Variants in NTAQ1 observed in about 807,000 individuals in gnomAD.
The protein encoded by NTAQ1 is protein N-terminal glutamine amidohydrolase.
A neutral mutation model predicts 28.2 loss-of-function variants in NTAQ1; 21 were observed. That is an observed-to-expected ratio of 0.74 (90% CI 0.53 to 1.07). NTAQ1 has a LOEUF of 1.07. NTAQ1 is among the 50% of genes least tolerant of loss of function. The pLI, the probability that NTAQ1 is intolerant of heterozygous loss-of-function variation, is 0.00. For missense variants in NTAQ1, 264 were observed against 256.6 expected (o/e 1.03, Z -0.20); for synonymous variants, 105 against 90.0 (o/e 1.17, Z -0.94).
intron 5 of NTAQ1, 110 bp from the exon 6 acceptor site, chr8:123,441,196 C>T (rs1039707537): frequency 1.3e-6 from 1 of 763,896 alleles, no homozygotes; most frequent in Non-Finnish European, 2.2e-6. Flanking sequence ...GACATTGAGC[C>T]CTTATCCATT....
At chr8:123,475,641 C>T in the NTAQ1 span, among the ~76,000 whole-genome samples, 2 of 152,152 alleles carry the variant, frequency 1.3e-5, no homozygotes, top group Non-Finnish European at 2.9e-5. Context: ...GTGAATATCT[C>T]TAAGGCATAC....
At chr8:123,419,394 C>T (rs953930859) in intron 1 of NTAQ1, among the ~76,000 whole-genome samples, 6 of 152,032 alleles carry the variant, frequency 3.9e-5, no homozygotes, top group Admixed American at 6.6e-5. Context: ...TCACCGTGCC[C>T]GGCCATCCTG....
At chr8:123,465,004 C>T (rs1370248175) in intron 6 of NTAQ1, among the ~76,000 whole-genome samples, 2 of 152,132 alleles carry the variant, frequency 1.3e-5, no homozygotes, top group Non-Finnish European at 2.9e-5. Flanking sequence ...CACCACTGCA[C>T]TCCTGCCTGG....
chr8:123,440,858 G>C (rs1815022956), intron 5 of NTAQ1, among the ~76,000 whole-genome samples: 2 of 152,256 alleles, frequency 1.3e-5, no homozygotes, highest in South Asian at 4.2e-4. Context: ...TGACCCTTCT[G>C]AGGACGCTAC....
intron 1 of NTAQ1, among the ~76,000 whole-genome samples, chr8:123,427,065 A>G (rs1425027286): frequency 6.6e-6 from 1 of 152,132 alleles, no homozygotes; most frequent in African/African-American, 2.4e-5. Context: ...CGGACATATC[A>G]CATAATTGCT....
At chr8:123,459,020 G>A (rs1815739317) in intron 6 of NTAQ1, among the ~76,000 whole-genome samples, 1 of 152,024 alleles carries the variant, frequency 6.6e-6, no homozygotes, top group African/African-American at 2.4e-5. Context: ...GGAGGTTGCA[G>A]TGAGCCGAGA....
intron 3 of NTAQ1, among the ~76,000 whole-genome samples, chr8:123,431,046 T>C (rs1021769038): frequency 3.3e-5 from 5 of 152,032 alleles, no homozygotes; most frequent in African/African-American, 1.2e-4. Flanking sequence ...CCCTAAAGAA[T>C]GGAGGCTAGG....
chr8:123,436,340 T>C (rs1814708345), intron 3 of NTAQ1, 113 bp from the exon 4 acceptor site: 2 of 945,016 alleles, frequency 2.1e-6, no homozygotes, highest in South Asian at 1.8e-5. Flanking sequence ...TTTGCTATTA[T>C]AAGGAGGGCT....
intron 1 of NTAQ1, among the ~76,000 whole-genome samples, chr8:123,418,644 G>C (rs1235006233): frequency 6.6e-6 from 1 of 152,174 alleles, no homozygotes; most frequent in African/African-American, 2.4e-5. Context: ...TTGGAGGATG[G>C]TTGTTTAAGC....
chr8:123,438,529 G>A (rs568039811), intron 5 of NTAQ1, among the ~76,000 whole-genome samples: 1 of 152,186 alleles, frequency 6.6e-6, no homozygotes, highest in Non-Finnish European at 1.5e-5. Context: ...GGTGGTGTGT[G>A]CCTGAAGTCC....
At chr8:123,451,882 C>T (rs528614626), downstream of NTAQ1, among the ~76,000 whole-genome samples, 72 of 152,296 alleles carry the variant, frequency 4.7e-4, no homozygotes, top group Non-Finnish European at 9.0e-4. Context: ...GAATTATTCC[C>T]GTTGACTAGA....
At chr8:123,453,513 C>T (rs1433883248) in intron 6 of NTAQ1, among the ~76,000 whole-genome samples, 1 of 151,660 alleles carries the variant, frequency 6.6e-6, no homozygotes, top group Non-Finnish European at 1.5e-5. Context: ...ACTGCAACCT[C>T]TGCCTCTCAG....
At chr8:123,461,699 T>G (rs1476637464) in intron 6 of NTAQ1, among the ~76,000 whole-genome samples, 1 of 152,198 alleles carries the variant, frequency 6.6e-6, no homozygotes, top group Non-Finnish European at 1.5e-5. Context: ...CTTTGTATAT[T>G]CAAGAACAGC....
intron 6 of NTAQ1, among the ~76,000 whole-genome samples, chr8:123,455,716 C>T (rs551004148): frequency 6.7e-4 from 102 of 152,250 alleles, no homozygotes; most frequent in African/African-American, 2.2e-3. Context: ...TGAGCCACCG[C>T]GCCCAGCCGA....
At chr8:123,450,416 G>A (rs1367733738), downstream of NTAQ1, among the ~76,000 whole-genome samples, 1 of 149,798 alleles carries the variant, frequency 6.7e-6, no homozygotes, top group African/African-American at 2.4e-5. Context: ...GTTTGGGAAG[G>A]GGGCAGAGAA....
At position 123,438,683 on chromosome 8, in the gene NTAQ1, AAAG is replaced by A. The variant is rs548966414; in HGVS notation, c.508+1352_508+1354del. On this transcript the variant is annotated intron_variant, in intron 5 of 5. Transcript: ENST00000287387. ...GCAAGATTCCATCTCAAAAAAAAAAAAAGAAAAAGAAAAAAATAGTTTAACGGA... is the reference window on the plus strand; with the variant it reads ...GCAAGATTCCATCTCAAAAAAAAAAAAAAAAGAAAAAAATAGTTTAACGGA... 2.0e-3 allele frequency among the ~76,000 whole-genome samples: 301 copies of A among 151,794 alleles called. 2 individuals carry two copies. Among genetic ancestry groups the A allele is most frequent in the African/African-American group, 6.9e-3 (287 of 41,394 alleles).
Position 123,420,590 on chromosome 8 carries a change from C to CT in NTAQ1, c.83+3677dup, listed in dbSNP as rs71310676. The stretch of plus-strand genomic sequence containing the variant: ...CTTGCCAGCGTCTGTTATTTTTTGC[C>CT]TTTTTTTTTTTTTTTTTTTGAGACA... On this transcript the variant is annotated intron_variant, in intron 1 of 5. Coordinates refer to ENST00000287387, the MANE Select transcript of NTAQ1 (RefSeq NM_018024.3). Among the ~76,000 whole-genome samples, 116 of 102,058 alleles carry CT rather than the reference C, an allele frequency of 1.1e-3. 8 individuals are homozygous for CT. The highest frequency in any genetic ancestry group is 6.8e-3 in the Middle Eastern group (1 of 146). The allele number at this position is 102,058 out of a possible 152,430, so 67.0% of individuals were successfully genotyped here. A position where few individuals can be genotyped will look rare whatever the true frequency, so the allele number is the denominator to read the frequency against.
At chr8:123,455,421 A>ATTTTTTT (rs925294146) in intron 6 of NTAQ1, among the ~76,000 whole-genome samples, 9 of 115,458 alleles carry the variant, frequency 7.8e-5, no homozygotes, top group African/African-American at 2.4e-4. Flanking sequence ...ATGCCCAGAA[A>ATTTTTTT]TTTTTTTTTT....
downstream of NTAQ1, among the ~76,000 whole-genome samples, chr8:123,443,180 C>T (rs909932316): frequency 3.3e-5 from 5 of 151,880 alleles, no homozygotes; most frequent in Non-Finnish European, 7.4e-5. Context: ...CCACCATGCC[C>T]AGCTAATTTT....
Sources: gnomAD v4.1 joint callset for allele counts (sites outside exome capture counted in the v4.1 genomes callset) on GRCh38, gnomAD v4.1.1 for gene constraint, MANE v1.5 for transcripts, NCBI Gene and HGNC (gene_info 2026-07-23, HGNC 2026-07-21) for gene names.